Variants in ATXN1 observed in about 807,000 individuals in gnomAD.
ATXN1 encodes ataxin 1.
Under a neutral mutation model 56.4 loss-of-function variants are expected in ATXN1, and 8 were observed. That is an observed-to-expected ratio of 0.14 (90% CI 0.08 to 0.26). The LOEUF is 0.26. Among genes scored for constraint, ATXN1 ranks in the 10% least tolerant of loss-of-function variants. The pLI, the probability that ATXN1 is intolerant of heterozygous loss-of-function variation, is 1.00. For synonymous variants in ATXN1, 514 were observed against 494.6 expected (o/e 1.04, Z -0.52); for missense variants, 987 against 1,106.5 (o/e 0.89, Z 1.53).
intron 4 of ATXN1, among the ~76,000 whole-genome samples, chr6:16,584,275 T>A (rs9396687): frequency 8.1e-6 from 1 of 122,856 alleles, no homozygotes. Context: ...CACACACATA[T>A]ACACATATAT....
At chr6:16,540,280 C>CGGCTA (rs1258009111) in intron 4 of ATXN1, among the ~76,000 whole-genome samples, 1 of 152,054 alleles carries the variant, frequency 6.6e-6, no homozygotes, top group Non-Finnish European at 1.5e-5. Flanking sequence ...AGCATGATCT[C>CGGCTA]GGCTCAATGC....
chr6:16,738,033 A>C (rs1439494458), intron 2 of ATXN1: 2 of 152,210 alleles, frequency 1.3e-5, no homozygotes, highest in African/African-American at 4.8e-5. Flanking sequence ...ATAGCCCTAA[A>C]ATTTTAAGAC....
intron 4 of ATXN1, among the ~76,000 whole-genome samples, chr6:16,556,973 T>C (rs541665175): frequency 2.6e-5 from 4 of 152,104 alleles, no homozygotes; most frequent in African/African-American, 4.8e-5. Flanking sequence ...CATATTTAAA[T>C]AACAACAAAA....
At chr6:16,755,306 G>C (rs779377691) in intron 1 of ATXN1, among the ~76,000 whole-genome samples, 1 of 152,142 alleles carries the variant, frequency 6.6e-6, no homozygotes, top group Non-Finnish European at 1.5e-5. Flanking sequence ...AAGAAGGCAA[G>C]AATACAAGCA....
At chr6:16,418,107 CT>C (rs1353973768) in intron 6 of ATXN1, among the ~76,000 whole-genome samples, 1 of 152,194 alleles carries the variant, frequency 6.6e-6, no homozygotes, top group Non-Finnish European at 1.5e-5. Context: ...GAAGTGAACA[CT>C]GTTGTAGAGC....
At chr6:16,384,954 A>T (rs1758208492) in intron 6 of ATXN1, among the ~76,000 whole-genome samples, 1 of 152,238 alleles carries the variant, frequency 6.6e-6, no homozygotes, top group Non-Finnish European at 1.5e-5. Context: ...ACAGACACTA[A>T]AAATCTTACA....
intron 2 of ATXN1, among the ~76,000 whole-genome samples, chr6:16,700,406 A>AC (rs1185946180): frequency 3.3e-5 from 5 of 151,954 alleles, no homozygotes; most frequent in African/African-American, 1.2e-4. Flanking sequence ...TGCAACCCCC[A>AC]CCAGCCGACC....
intron 6 of ATXN1, among the ~76,000 whole-genome samples, chr6:16,379,850 T>C (rs1762216371): frequency 6.6e-6 from 1 of 152,144 alleles, no homozygotes; most frequent in South Asian, 2.1e-4. Context: ...GAACATATCC[T>C]CAAGATGAGT....
At chr6:16,610,050 C>A (rs1470166762) in intron 3 of ATXN1, among the ~76,000 whole-genome samples, 1 of 151,724 alleles carries the variant, frequency 6.6e-6, no homozygotes, top group African/African-American at 2.4e-5. Context: ...AAGTGAAGAA[C>A]AAACCTGAAA....
intron 3 of ATXN1, among the ~76,000 whole-genome samples, chr6:16,631,171 A>G (rs1763497200): frequency 6.6e-6 from 1 of 152,218 alleles, no homozygotes; most frequent in Non-Finnish European, 1.5e-5. Flanking sequence ...GGCTTAGGTC[A>G]ACTTTCCCAG....
chr6:16,526,053 A>ATC, intron 4 of ATXN1, among the ~76,000 whole-genome samples: 1 of 122,564 alleles, frequency 8.2e-6, no homozygotes, highest in African/African-American at 3.3e-5. Flanking sequence ...ATATATATAT[A>ATC]TATATATATA....
intron 4 of ATXN1, among the ~76,000 whole-genome samples, chr6:16,538,176 C>T (rs147754040): frequency 6.6e-5 from 10 of 152,296 alleles, no homozygotes; most frequent in African/African-American, 2.4e-4. Context: ...CCACCCAGGA[C>T]AGTGAGAGGC....
chr6:16,673,020 C>CAAAAAAA (rs559212594), intron 2 of ATXN1, among the ~76,000 whole-genome samples: 2 of 105,534 alleles, frequency 1.9e-5, no homozygotes, highest in African/African-American at 3.7e-5. Context: ...TCCCCCCCGC[C>CAAAAAAA]AAAAAAAAAA....
At chr6:16,526,054 T>C in intron 4 of ATXN1, among the ~76,000 whole-genome samples, 1 of 123,148 alleles carries the variant, frequency 8.1e-6, no homozygotes, top group East Asian at 2.2e-4. Flanking sequence ...TATATATATA[T>C]ATATATATAT....
chr6:16,376,000 C>A (rs1344005926), intron 6 of ATXN1, among the ~76,000 whole-genome samples: 1 of 152,238 alleles, frequency 6.6e-6, no homozygotes, highest in Non-Finnish European at 1.5e-5. Flanking sequence ...GGCACTGGTG[C>A]CCCATGGCAC....
chr6:16,714,475 A>T (rs927933863), intron 2 of ATXN1, among the ~76,000 whole-genome samples: 1 of 152,230 alleles, frequency 6.6e-6, no homozygotes, highest in African/African-American at 2.4e-5. Context: ...AATAGTGTTA[A>T]CACATTTTAA....
intron 3 of ATXN1, among the ~76,000 whole-genome samples, chr6:16,637,012 T>G (rs933324770): frequency 6.6e-6 from 1 of 152,164 alleles, no homozygotes; most frequent in Non-Finnish European, 1.5e-5. Flanking sequence ...ACCCAAAGGA[T>G]TATAAATCAT....
At chr6:16,714,001 C>T (rs541100047) in intron 2 of ATXN1, among the ~76,000 whole-genome samples, 3 of 152,002 alleles carry the variant, frequency 2.0e-5, no homozygotes, top group Non-Finnish European at 4.4e-5. Context: ...TATAAAAATA[C>T]AAAAATTAGC....
chr6:16,451,119 C>G (rs528167754), intron 6 of ATXN1, among the ~76,000 whole-genome samples: 4 of 152,298 alleles, frequency 2.6e-5, no homozygotes, highest in African/African-American at 7.2e-5. Flanking sequence ...ATCTTCTCTT[C>G]CCATTTAAAA....
Sources: allele counts gnomAD v4.1 joint callset (sites outside exome capture counted in the v4.1 genomes callset), GRCh38; gene constraint gnomAD v4.1.1; transcripts MANE v1.5; gene names NCBI Gene and HGNC (gene_info 2026-07-23, HGNC 2026-07-21).